Variants in ADGRG7 observed in about 807,000 individuals in gnomAD.
ADGRG7 encodes the protein adhesion G protein-coupled receptor G7.
Under a neutral mutation model 88.6 loss-of-function variants are expected in ADGRG7, and 82 were observed. The observed-to-expected ratio is 0.93, with a 90% CI of 0.77 to 1.11. The LOEUF is 1.11. ADGRG7 is among the 50% of genes most tolerant of loss of function. The probability of loss-of-function intolerance (pLI) is 0.00; values close to 1 mark genes in which losing one functional copy is unlikely to be tolerated. For synonymous variants in ADGRG7, 381 were observed against 345.2 expected (o/e 1.10, Z -1.15); for missense variants, 945 against 953.4 (o/e 0.99, Z 0.12).
chr3:100,649,678 C>T lies in ADGRG7; in HGVS notation c.1267-17C>T, dbSNP rs770530996. The T allele has an allele frequency of 7.2e-7, 1 of 1,395,740 alleles. No homozygotes were observed. The highest frequency in any genetic ancestry group is 1.4e-5 in the African/African-American group (1 of 70,492). The allele number at this position is 1,395,740 out of a possible 1,614,324, so 86.5% of individuals were successfully genotyped here. On this transcript the variant is annotated splice_polypyrimidine_tract_variant and intron_variant, in intron 10 of 15. Transcript: ENST00000273352. ...GGGATGACTAATTAAAAATATGAGT[C>T]TTACCTTGTTTTTCAGACTTTCAAA...
chr3:100,651,299 A>C (rs1217057471), intron 11 of ADGRG7, among the ~76,000 whole-genome samples: 4 of 152,226 alleles, frequency 2.6e-5, no homozygotes, highest in Admixed American at 1.3e-4. Flanking sequence ...CCTTGAAGGA[A>C]AATTACATGT....
At chr3:100,673,498 G>A (rs1419153577) in intron 15 of ADGRG7, among the ~76,000 whole-genome samples, 1 of 144,886 alleles carries the variant, frequency 6.9e-6, no homozygotes, top group Non-Finnish European at 1.5e-5. Context: ...GTCTCGGTCT[G>A]TCATGCAGGC....
intron 1 of ADGRG7, among the ~76,000 whole-genome samples, chr3:100,611,972 A>G (rs1707160710): frequency 6.6e-6 from 1 of 152,044 alleles, no homozygotes; most frequent in Non-Finnish European, 1.5e-5. Context: ...TTGTTTTTAC[A>G]TTTTTTTAAG....
chr3:100,694,693 G>T, intron 15 of ADGRG7, 51 bp from the exon 16 acceptor site: 2 of 1,552,176 alleles, frequency 1.3e-6, no homozygotes, highest in South Asian at 2.3e-5. Context: ...TGTCTTCCTT[G>T]ATACTGTATC....
chr3:100,634,128 G>GT lies in ADGRG7; in HGVS notation c.447+757dup, dbSNP rs1357499686. ...AAATAGAAAGTACATCTAACTAGAT[G>GT]TTTTTTCATGCAGATTAAATTATTT... On this transcript the variant is annotated intron_variant, in intron 4 of 15. Transcript: ENST00000273352. 2.0e-5 allele frequency among the ~76,000 whole-genome samples: 3 copies of GT among 152,328 alleles called. No homozygotes were observed. The East Asian group carries it at 5.8e-4, about 29-fold the overall frequency.
intron 13 of ADGRG7, among the ~76,000 whole-genome samples, chr3:100,658,740 C>T (rs773293824): frequency 1.3e-5 from 2 of 152,160 alleles, no homozygotes; most frequent in African/African-American, 2.4e-5. Context: ...GTAATTTCTA[C>T]TCTCATTACC....
chr3:100,663,172 T>G (rs1038236798), intron 14 of ADGRG7, among the ~76,000 whole-genome samples: 1 of 152,070 alleles, frequency 6.6e-6, no homozygotes, highest in Non-Finnish European at 1.5e-5. Flanking sequence ...GTCAATATTA[T>G]CTGACATTAT....
chr3:100,663,133 G>A lies in ADGRG7; in HGVS notation c.1979+3290G>A, dbSNP rs576813054. Among the ~76,000 whole-genome samples, 37 of 152,198 alleles carry A rather than the reference G, an allele frequency of 2.4e-4. No homozygotes were observed. In the South Asian group the frequency reaches 2.9e-3, roughly 12 times the overall value. ...CTCTTAGCTCCTGTTAAAGAGAGTA[G>A]GGGAACTAAGGGTTCTAATGTACGG... On this transcript the variant is annotated intron_variant, in intron 14 of 15. Coordinates refer to ENST00000273352, the MANE Select transcript of ADGRG7 (RefSeq NM_032787.3).
intron 4 of ADGRG7, among the ~76,000 whole-genome samples, chr3:100,633,770 C>T (rs535236104): frequency 6.6e-6 from 1 of 152,272 alleles, no homozygotes; most frequent in South Asian, 2.1e-4. Flanking sequence ...GATCCGCCTG[C>T]CTCAGCCTCC....
chr3:100,661,999 T>G (rs1442841901), intron 14 of ADGRG7, among the ~76,000 whole-genome samples: 2 of 152,212 alleles, frequency 1.3e-5, no homozygotes, highest in Admixed American at 6.5e-5. Flanking sequence ...TACTTGAATT[T>G]ATAGAATGCA....
chr3:100,631,877 T>G (rs1030166754), intron 3 of ADGRG7, among the ~76,000 whole-genome samples: 29 of 152,140 alleles, frequency 1.9e-4, no homozygotes, highest in Non-Finnish European at 4.3e-4. Flanking sequence ...ATTCTTGCAT[T>G]GCTATAAAGA....
rs753641282 is a variant in ADGRG7 at position 100,633,264 on chromosome 3, G to A, written c.335-1G>A. ...TAATAAAAAATTTCTTTGTATTAAA[G>A]CGGGCAATCCAATGGCAGTCCGGTT... On this transcript the variant is annotated splice_acceptor_variant, in intron 3 of 15. Transcript: ENST00000273352. LOFTEE classifies it high-confidence loss of function. The A allele has an allele frequency of 7.0e-7, 1 of 1,419,546 alleles. No homozygotes were observed. Among genetic ancestry groups the A allele is most frequent in the Non-Finnish European group, 9.3e-7 (1 of 1,079,812 alleles). 87.9% of individuals were successfully genotyped at this position (1,419,546 alleles called of 1,614,324 possible).
chr3:100,688,184 T>G (rs1180769448), intron 15 of ADGRG7, among the ~76,000 whole-genome samples: 1 of 152,264 alleles, frequency 6.6e-6, no homozygotes, highest in Non-Finnish European at 1.5e-5. Context: ...TATAGTATTC[T>G]CTGATGCTAG....
chr3:100,688,945 T>C (rs1487114811), intron 15 of ADGRG7, among the ~76,000 whole-genome samples: 1 of 152,222 alleles, frequency 6.6e-6, no homozygotes, highest in Non-Finnish European at 1.5e-5. Flanking sequence ...TAACTTTCTG[T>C]CTTGTTGATC....
At chr3:100,652,404 A>G (rs1392107187) in intron 11 of ADGRG7, among the ~76,000 whole-genome samples, 3 of 152,216 alleles carry the variant, frequency 2.0e-5, no homozygotes, top group African/African-American at 7.2e-5. Flanking sequence ...TTTGAAGGTT[A>G]GAACTTTAGG....
intron 1 of ADGRG7, among the ~76,000 whole-genome samples, chr3:100,623,720 GC>G (rs746447356): frequency 6.6e-6 from 1 of 151,926 alleles, no homozygotes; most frequent in Non-Finnish European, 1.5e-5. Context: ...TCCCCAACAG[GC>G]CCCGGTGTGT....
intron 1 of ADGRG7, among the ~76,000 whole-genome samples, chr3:100,626,348 T>C (rs1707380499): frequency 6.6e-6 from 1 of 152,220 alleles, no homozygotes; most frequent in South Asian, 2.1e-4. Flanking sequence ...CCATAAATAT[T>C]TTAAATCCGC....
At chr3:100,647,327 C>A (rs367938750) in intron 10 of ADGRG7, among the ~76,000 whole-genome samples, 2 of 152,140 alleles carry the variant, frequency 1.3e-5, no homozygotes, top group African/African-American at 4.8e-5. Flanking sequence ...CTAACTCACA[C>A]GTTCTGAAGC....
chr3:100,675,227 T>G (rs1423157347), intron 15 of ADGRG7, among the ~76,000 whole-genome samples: 1 of 152,238 alleles, frequency 6.6e-6, no homozygotes, highest in East Asian at 1.9e-4. Flanking sequence ...ATACTAGCTG[T>G]GAGTCCGTCA....
Sources: allele counts gnomAD v4.1 joint callset (sites outside exome capture counted in the v4.1 genomes callset), GRCh38; gene constraint gnomAD v4.1.1; transcripts MANE v1.5; gene names NCBI Gene and HGNC (gene_info 2026-07-23, HGNC 2026-07-21).